Variants in TANC2 observed in about 807,000 individuals in gnomAD.
TANC2 encodes the protein tetratricopeptide repeat, ankyrin repeat and coiled-coil containing 2, also known as protein TANC2.
A neutral mutation model predicts 210.5 loss-of-function variants in TANC2; 26 were observed. The observed-to-expected ratio is 0.12, with a 90% CI of 0.09 to 0.17. The LOEUF (loss-of-function observed/expected upper bound fraction) is 0.17, where lower values mean the gene tolerates loss of function less well. Among genes scored for constraint, TANC2 ranks in the 10% least tolerant of loss-of-function variants. The pLI, the probability that TANC2 is intolerant of heterozygous loss-of-function variation, is 1.00. For missense variants in TANC2, 2,129 were observed against 2,608.9 expected (o/e 0.82, Z 4.01); for synonymous variants, 931 against 967.1 (o/e 0.96, Z 0.69).
At chr17:63,067,180 A>G (rs2036231108) in intron 2 of TANC2, among the ~76,000 whole-genome samples, 1 of 152,248 alleles carries the variant, frequency 6.6e-6, no homozygotes, top group Non-Finnish European at 1.5e-5. Context: ...CCAAAATTAT[A>G]TACAAAGATT....
intron 3 of TANC2, among the ~76,000 whole-genome samples, chr17:63,084,557 C>T (rs2036892217): frequency 6.6e-6 from 1 of 150,556 alleles, no homozygotes; most frequent in African/African-American, 2.5e-5. Flanking sequence ...TTAATTTGCT[C>T]TTCTTTTTCT....
intron 1 of TANC2, among the ~76,000 whole-genome samples, chr17:62,999,138 T>C (rs996572620): frequency 3.9e-5 from 6 of 152,218 alleles, no homozygotes; most frequent in Non-Finnish European, 8.8e-5. Flanking sequence ...GTCTTGGTGC[T>C]ACCTTTACAG....
intron 8 of TANC2, among the ~76,000 whole-genome samples, chr17:63,240,386 A>G (rs779283939): frequency 1.8e-4 from 27 of 152,032 alleles, no homozygotes; most frequent in Non-Finnish European, 3.7e-4. Flanking sequence ...TAACATCAAC[A>G]TTGTGTATTA....
intron 11 of TANC2, among the ~76,000 whole-genome samples, chr17:63,330,131 A>G (rs542932595): frequency 2.3e-4 from 35 of 152,364 alleles, no homozygotes; most frequent in African/African-American, 7.9e-4. Flanking sequence ...AAAATTTTCT[A>G]TAAGCCAAAG....
intron 4 of TANC2, among the ~76,000 whole-genome samples, chr17:63,144,864 G>T (rs1001129305): frequency 1.1e-4 from 17 of 151,766 alleles, no homozygotes; most frequent in Non-Finnish European, 1.3e-4. Context: ...TTCTTTTTCT[G>T]CATTGTATCT....
At chr17:63,410,887 A>G (rs892064518) in intron 21 of TANC2, among the ~76,000 whole-genome samples, 4 of 146,134 alleles carry the variant, frequency 2.7e-5, no homozygotes, top group African/African-American at 7.7e-5. Flanking sequence ...AAAAAAAAAA[A>G]AAGAAGCAGA....
chr17:63,221,832 C>G (rs992055762), intron 7 of TANC2, among the ~76,000 whole-genome samples: 3 of 152,168 alleles, frequency 2.0e-5, no homozygotes, highest in African/African-American at 7.2e-5. Flanking sequence ...TTTGAAAACT[C>G]CTTAGGCATT....
intron 7 of TANC2, among the ~76,000 whole-genome samples, chr17:63,227,320 T>A (rs1273440239): frequency 2.0e-5 from 3 of 152,140 alleles, no homozygotes. Context: ...TGGTATCTCA[T>A]TGTGGTTTTG....
chr17:63,285,684 T>TA (rs1268353342), intron 9 of TANC2, among the ~76,000 whole-genome samples: 1 of 152,170 alleles, frequency 6.6e-6, no homozygotes, highest in Non-Finnish European at 1.5e-5. Context: ...TCACACAACA[T>TA]ACACTCAATT....
chr17:63,151,225 GCT>G (rs1314877716), intron 4 of TANC2, 43 bp from the exon 5 acceptor site: 2 of 861,438 alleles, frequency 2.3e-6, no homozygotes, highest in East Asian at 2.4e-4. Context: ...TTTCTCTCTT[GCT>G]CTCTCTGTCT....
intron 7 of TANC2, among the ~76,000 whole-genome samples, chr17:63,229,348 C>T (rs983252373): frequency 2.0e-5 from 3 of 152,094 alleles, no homozygotes; most frequent in Non-Finnish European, 2.9e-5. Context: ...AGGATTTTTC[C>T]GTCAATATGC....
At position 63,418,559 on chromosome 17, in the gene TANC2, A is replaced by G. The variant is rs140316263; in HGVS notation, c.4268+152A>G. ...GCTTTGGGGATGGCTCCCATAGCAC[A>G]GCCCTCAGCTCAAGATCAGCAAATC... is the stretch of plus-strand genomic sequence containing the variant. On this transcript the variant is annotated intron_variant, in intron 27 of 27. Coordinates refer to ENST00000689528, the Ensembl canonical transcript of TANC2. The surrounding 1 kb of genome is among the most constrained non-coding windows in gnomAD (Gnocchi z 4.6). Among the ~76,000 whole-genome samples the G allele has an allele frequency of 1.0e-3, 155 of 152,364 alleles. 1 individual carries two copies. The Middle Eastern group carries it at 0.01, about 10-fold the overall frequency.
chr17:62,997,968 T>C lies in TANC2; in HGVS notation c.-23-11569T>C, dbSNP rs2033195258. On this transcript the variant is annotated intron_variant, in intron 1 of 27. Coordinates refer to ENST00000689528, the Ensembl canonical transcript of TANC2. The stretch of plus-strand genomic sequence containing the variant: ...AGAGAATTCAGAACATGGTTAGAAA[T>C]GAAGATCATTGAGATTCAGGAGAAA... Among the ~76,000 whole-genome samples the C allele has an allele frequency of 1.3e-5, 2 of 152,030 alleles. 1 individual carries two copies. The highest frequency in any genetic ancestry group is 4.1e-4 in the South Asian group (2 of 4,826).
intron 7 of TANC2, among the ~76,000 whole-genome samples, chr17:63,226,947 G>T (rs1219935710): frequency 6.6e-6 from 1 of 152,018 alleles, no homozygotes; most frequent in African/African-American, 2.4e-5. Flanking sequence ...CCTTTTTATG[G>T]CTGCATAGTA....
intron 9 of TANC2, among the ~76,000 whole-genome samples, chr17:63,275,399 GT>G (rs1402323014): frequency 6.6e-6 from 1 of 152,144 alleles, no homozygotes; most frequent in Non-Finnish European, 1.5e-5. Context: ...CCCTGCCACA[GT>G]TAACTTGGTT....
intron 2 of TANC2, among the ~76,000 whole-genome samples, chr17:63,071,013 A>G (rs1568361342): frequency 6.6e-6 from 1 of 152,216 alleles, no homozygotes; most frequent in Non-Finnish European, 1.5e-5. Context: ...TTGATTTGAT[A>G]AGAGTAATTC....
chr17:63,290,579 C>T (rs1223596212), intron 9 of TANC2, among the ~76,000 whole-genome samples: 2 of 152,174 alleles, frequency 1.3e-5, no homozygotes, highest in South Asian at 2.1e-4. Context: ...TGGGCAGTCA[C>T]AGGATTTGCC....
At chr17:63,205,366 A>G (rs866534027) in intron 7 of TANC2, among the ~76,000 whole-genome samples, 1 of 148,232 alleles carries the variant, frequency 6.7e-6, no homozygotes, top group Non-Finnish European at 1.5e-5. Context: ...AAAAAAAAAA[A>G]AAAAAACCTC....
intron 2 of TANC2, among the ~76,000 whole-genome samples, chr17:63,019,421 T>C (rs1158375650): frequency 3.3e-5 from 5 of 152,180 alleles, no homozygotes; most frequent in Admixed American, 3.3e-4. Context: ...TTTCACCATG[T>C]TGCCCAGGCT....
Sources: allele counts gnomAD v4.1 joint callset (sites outside exome capture counted in the v4.1 genomes callset), GRCh38; gene constraint gnomAD v4.1.1; non-coding constraint Gnocchi (gnomAD v3.1); transcripts MANE v1.5; gene names NCBI Gene and HGNC (gene_info 2026-07-23, HGNC 2026-07-21).